Variants in B4GALT1 observed in about 807,000 individuals in gnomAD.
The protein encoded by B4GALT1 is beta-1,4-galactosyltransferase 1.
A neutral mutation model predicts 34.9 loss-of-function variants in B4GALT1; 16 were observed. The ratio of observed to expected loss-of-function variants is 0.46; its 90% CI spans 0.31 to 0.70. The LOEUF is 0.70. Among genes scored for constraint, B4GALT1 ranks in the 30% least tolerant of loss-of-function variants. B4GALT1 has a pLI of 0.05. For missense variants in B4GALT1, 445 were observed against 530.5 expected, an observed-to-expected ratio of 0.84 and a Z score of 1.58; for synonymous variants, 221 against 218.1, an observed-to-expected ratio of 1.01 and a Z score of -0.12.
chr9:33,166,770 A>G lies in B4GALT1; in HGVS notation c.400T>C (p.Ser134Pro). The change falls in exon 1 of 6, where the codon TCC becomes CCC. Residue 134 changes from serine to proline, a missense_variant. This residue lies in a region of B4GALT1 where 349 missense variants were observed against 395.5 expected (regional missense o/e 0.88). Transcript: ENST00000379731. ...ALSLPACPEE[S>P]PLLVGPMLIE... ...CCCGAGTCCTTACCAAGCAGCGGGGACTCCTCAGGGCAGGCGGGCAGCGAC... is the reference window on the plus strand; with the variant it reads ...CCCGAGTCCTTACCAAGCAGCGGGGGCTCCTCAGGGCAGGCGGGCAGCGAC... 1 of 1,508,102 alleles carries G rather than the reference A, an allele frequency of 6.6e-7. No homozygotes were observed. Among genetic ancestry groups the G allele is most frequent in the Non-Finnish European group, 8.8e-7 (1 of 1,135,172 alleles). 93.4% of individuals were successfully genotyped at this position (1,508,102 alleles called of 1,614,324 possible).
chr9:33,124,156 G>A (rs1454156353), intron 2 of B4GALT1, among the ~76,000 whole-genome samples: 1 of 152,172 alleles, frequency 6.6e-6, no homozygotes, highest in Non-Finnish European at 1.5e-5. Context: ...GTGAAATGCT[G>A]TAACACTGGG....
At position 33,166,835 on chromosome 9, in the gene B4GALT1, C is replaced by G. The variant is rs1298244714; in HGVS notation, c.335G>C (p.Ser112Thr). The G allele has an allele frequency of 1.9e-6, 3 of 1,554,758 alleles. No individual in the cohort carries two copies. In the African/African-American group the frequency reaches 4.1e-5, roughly 21 times the overall value. The change falls in exon 1 of 6, where the codon AGC (serine) becomes ACC (threonine). Residue 112 changes from serine to threonine, a missense_variant. Physicochemically the swap from Ser to Thr is moderately conservative, Grantham distance 58. Around this residue, in one of 3 missense-constraint regions of B4GALT1, gnomAD observed 349 missense variants for 395.5 expected, o/e 0.88. Transcript: ENST00000379731. The stretch of plus-strand genomic sequence containing the variant: ...GGGCACTGGGACCGAGGTCAAGTTG[C>G]TAGCGGGGCCAGGGCCAGAATCCAC... ...PVVDSGPGPA[S>T]NLTSVPVPHT...
chr9:33,174,275 C>T, the B4GALT1 span: 307 of 153,116 alleles, frequency 2.0e-3, 11 homozygotes, highest in South Asian at 0.053. Flanking sequence ...TTTGCTTTAG[C>T]TTGGTGTAAT....
rs77252993 is a variant in B4GALT1 at position 33,120,767 on chromosome 9, T to C, written c.649-161A>G. Among the ~76,000 whole-genome samples the C allele has an allele frequency of 0.051, 7,825 of 152,314 alleles. 261 individuals are homozygous for C. Among genetic ancestry groups the C allele is most frequent in the Non-Finnish European group, 0.068 (4,616 of 68,026 alleles). On this transcript the variant is annotated intron_variant, in intron 2 of 5. Transcript: ENST00000379731. ...AATCAACACAGAGTACCAAAACCTCTGAGTCAGCAATTCCCCTCTAGAAAT... is the reference window on the plus strand; with the variant it reads ...AATCAACACAGAGTACCAAAACCTCCGAGTCAGCAATTCCCCTCTAGAAAT...
At chr9:33,167,619 T>C (rs563851640), upstream of B4GALT1, among the ~76,000 whole-genome samples, 1 of 152,324 alleles carries the variant, frequency 6.6e-6, no homozygotes, top group East Asian at 1.9e-4. Context: ...GCGCCTCCTC[T>C]TCCTCCTCCA....
chr9:33,123,202 C>T (rs534092882), intron 2 of B4GALT1, among the ~76,000 whole-genome samples: 1 of 134,000 alleles, frequency 7.5e-6, no homozygotes, highest in South Asian at 2.5e-4. Context: ...CACTTGAAGC[C>T]GGGAGGTGGA....
intron 1 of B4GALT1, among the ~76,000 whole-genome samples, chr9:33,149,279 T>G (rs1263332753): frequency 6.6e-6 from 1 of 151,718 alleles, no homozygotes; most frequent in African/African-American, 2.4e-5. Context: ...AATTTTTTTA[T>G]TTATTTACTT....
chr9:33,108,154 T>C (rs1165271700), downstream of B4GALT1, among the ~76,000 whole-genome samples: 2 of 152,206 alleles, frequency 1.3e-5, no homozygotes, highest in Non-Finnish European at 1.5e-5. Flanking sequence ...TTCATAAGTA[T>C]GGTATTAACT....
At chr9:33,135,495 T>A in intron 1 of B4GALT1, 71 bp from the exon 2 acceptor site, 2 of 1,455,580 alleles carry the variant, frequency 1.4e-6, no homozygotes, top group Non-Finnish European at 1.9e-6. Flanking sequence ...CTGCATCAGA[T>A]GGCCAGGCTG....
chr9:33,180,553 A>G, the B4GALT1 span, among the ~76,000 whole-genome samples: 1 of 152,214 alleles, frequency 6.6e-6, no homozygotes, highest in Admixed American at 6.5e-5. Context: ...AAAACAGTCA[A>G]TTATAACACT....
chr9:33,108,620 G>C (rs900057962), downstream of B4GALT1: 1 of 152,244 alleles, frequency 6.6e-6, no homozygotes, highest in Non-Finnish European at 1.5e-5. Context: ...GTGTAGGCAT[G>C]TGTGGAGGTG....
the B4GALT1 span, among the ~76,000 whole-genome samples, chr9:33,184,253 T>TAGAC: frequency 1.9e-3 from 284 of 147,216 alleles, 1 homozygote; most frequent in African/African-American, 6.1e-3. Context: ...GTCACTCTTG[T>TAGAC]ACACACACAC....
At position 33,113,497 on chromosome 9, in the gene B4GALT1, G is replaced by A; in HGVS notation, c.1154C>T (p.Pro385Leu). The change falls in exon 6 of 6, where the codon CCA (proline) becomes CTA (leucine). Residue 385 changes from proline (P) to leucine (L), a missense_variant. Physicochemically the swap from Pro to Leu is moderately conservative, Grantham distance 98 (BLOSUM62 -3). Around this residue, in one of 3 missense-constraint regions of B4GALT1, gnomAD observed 89 missense variants for 107.6 expected, o/e 0.83. Transcript: ENST00000379731. ...TYQVLDVQRY[P>L]LYTQITVDIG... ...GTCCACTGTGATTTGGGTATACAATGGGTATCTCTGTACATCCAGCACCTG... is the reference window on the plus strand; with the variant it reads ...GTCCACTGTGATTTGGGTATACAATAGGTATCTCTGTACATCCAGCACCTG... The A allele has an allele frequency of 1.2e-6, 2 of 1,614,194 alleles. No individual in the cohort carries two copies. The highest frequency in any genetic ancestry group is 1.7e-6 in the Non-Finnish European group (2 of 1,180,036).
In B4GALT1 at chr9:33,166,125, C is replaced by A. The variant is rs115999214; in HGVS notation, c.412+633G>T. ...AGAGGAAGAAATGAACACACAGTGA[C>A]AATTTACTGAGGGCTTACCCTCATT... On this transcript the variant is annotated intron_variant, in intron 1 of 5. Coordinates refer to ENST00000379731, the MANE Select transcript of B4GALT1 (RefSeq NM_001497.4). Among the ~76,000 whole-genome samples the A allele has an allele frequency of 9.4e-3, 1,429 of 152,310 alleles. 20 individuals are homozygous for A. The highest frequency in any genetic ancestry group is 0.032 in the African/African-American group (1,344 of 41,552).
chr9:33,152,309 A>AATAAC (rs370702963), intron 1 of B4GALT1, among the ~76,000 whole-genome samples: 11,905 of 121,806 alleles, frequency 0.098, 584 homozygotes, highest in Non-Finnish European at 0.11. Context: ...CTCTCCAAAA[A>AATAAC]ATAACATAAC....
At chr9:33,167,355 G>A (rs898052243), upstream of B4GALT1, 43 of 746,704 alleles carry the variant, frequency 5.8e-5, 1 homozygote, top group African/African-American at 7.4e-5. Context: ...GCCGCCCGAG[G>A]CGCCGGCGGA....
At chr9:33,146,075 C>T (rs1587743110) in intron 1 of B4GALT1, among the ~76,000 whole-genome samples, 2 of 152,314 alleles carry the variant, frequency 1.3e-5, no homozygotes, top group East Asian at 3.9e-4. Context: ...GCCTTGGGGT[C>T]AAGAAAGAGT....
intron 2 of B4GALT1, among the ~76,000 whole-genome samples, chr9:33,131,988 A>G (rs1840199412): frequency 6.6e-6 from 1 of 152,148 alleles, no homozygotes; most frequent in African/African-American, 2.4e-5. Flanking sequence ...AAAATGATCA[A>G]TTAGGGTGAG....
the B4GALT1 span, chr9:33,177,579 G>T: frequency 1.3e-5 from 2 of 152,132 alleles, no homozygotes; most frequent in Non-Finnish European, 2.9e-5. Flanking sequence ...AGATCATCTG[G>T]CCTGCAAGAC....
Sources: gnomAD v4.1 joint callset for allele counts (sites outside exome capture counted in the v4.1 genomes callset) on GRCh38, gnomAD v4.1.1 for gene constraint, gnomAD v4.1.1 regional missense constraint, MANE v1.5 for transcripts, NCBI Gene and HGNC (gene_info 2026-07-23, HGNC 2026-07-21) for gene names.